SEMA6A: variants seen among roughly 807,000 people sequenced by gnomAD.
The protein encoded by SEMA6A is semaphorin 6A.
SEMA6A carries 25 observed loss-of-function variants against 96.8 expected under a neutral mutation model. The observed-to-expected ratio is 0.26, with a 90% CI of 0.19 to 0.36. The LOEUF (loss-of-function observed/expected upper bound fraction) is 0.36. Ranked by LOEUF, SEMA6A falls within the 10% of genes least tolerant of loss-of-function variation. The pLI is 1.00. For synonymous variants in SEMA6A, 612 were observed against 518.0 expected (o/e 1.18, Z -2.46); for missense variants, 1,363 against 1,323.1 (o/e 1.03, Z -0.47).
At chr5:116,455,339 A>T (rs546644811) in intron 18 of SEMA6A, among the ~76,000 whole-genome samples, 3 of 152,218 alleles carry the variant, frequency 2.0e-5, no homozygotes, top group Non-Finnish European at 4.4e-5. Flanking sequence ...CATGTGTTAG[A>T]ACTGTTACTG....
chr5:116,491,413 T>A (rs1757317434), intron 7 of SEMA6A, among the ~76,000 whole-genome samples: 1 of 96,686 alleles, frequency 1.0e-5, no homozygotes, highest in South Asian at 4.0e-4. Flanking sequence ...CAGTAGGGGA[T>A]TTTAAATTTA....
At chr5:116,550,115 A>G (rs1760343517) in intron 1 of SEMA6A, 1 of 152,204 alleles carries the variant, frequency 6.6e-6, no homozygotes, top group Non-Finnish European at 1.5e-5. Context: ...TTTAAATCAC[A>G]GTCATTGTCA....
At chr5:116,520,079 C>G (rs1252931650) in intron 1 of SEMA6A, among the ~76,000 whole-genome samples, 1 of 152,168 alleles carries the variant, frequency 6.6e-6, no homozygotes, top group Non-Finnish European at 1.5e-5. Flanking sequence ...TTGACCCCAT[C>G]ATGTTCCATT....
intron 1 of SEMA6A, among the ~76,000 whole-genome samples, chr5:116,541,927 T>A (rs1759985288): frequency 6.6e-6 from 1 of 152,204 alleles, no homozygotes; most frequent in African/African-American, 2.4e-5. Flanking sequence ...GAACGTAAGT[T>A]CTTTAAGATG....
chr5:116,500,078 A>G (rs1206049829), intron 3 of SEMA6A, among the ~76,000 whole-genome samples: 1 of 152,162 alleles, frequency 6.6e-6, no homozygotes, highest in Admixed American at 6.5e-5. Flanking sequence ...TTCCAACCCT[A>G]TTACGTTTAG....
intron 10 of SEMA6A, among the ~76,000 whole-genome samples, chr5:116,485,859 C>T (rs1025722055): frequency 1.3e-5 from 2 of 152,164 alleles, no homozygotes; most frequent in Non-Finnish European, 2.9e-5. Context: ...CACAACAATA[C>T]GAGGACTCTG....
chr5:116,486,984 A>G lies in SEMA6A; in HGVS notation c.745-18T>C, dbSNP rs1331602545. 1.3e-6 allele frequency: 2 copies of G among 1,577,204 alleles called. No individual in the cohort carries two copies. Among genetic ancestry groups the G allele is most frequent in the Non-Finnish European group, 1.7e-6 (2 of 1,147,556 alleles). On this transcript the variant is annotated intron_variant, in intron 9 of 18. Coordinates refer to ENST00000343348, the MANE Select transcript of SEMA6A (RefSeq NM_020796.5). ...AAAACTACCTGCAGAGGAAAAACAC[A>G]TAGGGAAAATTAAATGCATTCATTT... is the stretch of plus-strand genomic sequence containing the variant.
chr5:116,475,585 G>T lies in SEMA6A; in HGVS notation c.1668C>A (p.Asp556Glu). Residue 556 changes from aspartate (D) to glutamate (E), a missense_variant, in exon 16 of 19, where the codon GAC becomes GAA. This residue lies in a region of SEMA6A where 883 missense variants were observed against 763.6 expected (regional missense o/e 1.16). Transcript: ENST00000343348. ...GACCATCTGTATTGCCACGCTCTAT[G>T]TCCTGCTCAAAAGTCAGTCTTTTAA... ...SPNSRLTFEQ[D>E]IERGNTDGLG... The T allele has an allele frequency of 1.2e-6, 2 of 1,603,586 alleles. No homozygotes were observed. The highest frequency in any genetic ancestry group is 1.7e-6 in the Non-Finnish European group (2 of 1,174,824).
intron 1 of SEMA6A, among the ~76,000 whole-genome samples, chr5:116,557,417 G>A (rs949003127): frequency 1.3e-5 from 2 of 152,174 alleles, no homozygotes; most frequent in Non-Finnish European, 1.5e-5. Flanking sequence ...TTGCCATGTT[G>A]CCCAGGCTTG....
At chr5:116,548,324 G>A (rs1207911476) in intron 1 of SEMA6A, among the ~76,000 whole-genome samples, 2 of 152,156 alleles carry the variant, frequency 1.3e-5, no homozygotes, top group Non-Finnish European at 2.9e-5. Context: ...GTGCATTTCA[G>A]TGAACATCAC....
intron 17 of SEMA6A, among the ~76,000 whole-genome samples, chr5:116,470,362 T>C (rs1045103920): frequency 6.6e-6 from 1 of 152,336 alleles, no homozygotes; most frequent in South Asian, 2.1e-4. Context: ...ATTTGGAATC[T>C]ATATTTTTGT....
At chr5:116,466,059 TAAAAAAAAAAAA>T (rs35801222) in intron 18 of SEMA6A, among the ~76,000 whole-genome samples, 3 of 93,660 alleles carry the variant, frequency 3.2e-5, no homozygotes, top group Admixed American at 1.2e-4. Context: ...AAAACCAGCT[TAAAAAAAAAAAA>T]AAAAAAAAAA....
intron 17 of SEMA6A, chr5:116,468,613 T>C (rs1218530771): frequency 6.6e-6 from 1 of 152,226 alleles, no homozygotes; most frequent in Non-Finnish European, 1.5e-5. Flanking sequence ...AATTCGTTTG[T>C]AAGCTCTCCC....
chr5:116,460,358 G>A (rs182480447), intron 18 of SEMA6A, among the ~76,000 whole-genome samples: 6 of 151,938 alleles, frequency 3.9e-5, no homozygotes, highest in South Asian at 2.1e-4. Context: ...AATATTTTTC[G>A]TGGAATAAGA....
At chr5:116,474,050 C>T (rs1224776438) in intron 16 of SEMA6A, among the ~76,000 whole-genome samples, 1 of 152,136 alleles carries the variant, frequency 6.6e-6, no homozygotes, top group African/African-American at 2.4e-5. Flanking sequence ...CAGAGGCTTC[C>T]TTAGGTTCTT....
chr5:116,521,879 GA>G (rs1758966300), intron 1 of SEMA6A, among the ~76,000 whole-genome samples: 2 of 151,920 alleles, frequency 1.3e-5, no homozygotes, highest in Non-Finnish European at 2.9e-5. Context: ...TTATACACCA[GA>G]AAAAAAGTAT....
chr5:116,502,178 CTCAA>C, intron 3 of SEMA6A, 28 bp downstream of exon 3: 1 of 1,583,316 alleles, frequency 6.3e-7, no homozygotes, highest in Non-Finnish European at 8.7e-7. Context: ...TTTGGACACT[CTCAA>C]GGCAGACATG....
intron 1 of SEMA6A, among the ~76,000 whole-genome samples, chr5:116,513,876 C>T (rs763109592): frequency 3.3e-5 from 5 of 152,212 alleles, no homozygotes; most frequent in East Asian, 3.9e-4. Flanking sequence ...TAAGAACATG[C>T]GGTATTTGGT....
rs201474433 is a variant in SEMA6A at position 116,447,650 on chromosome 5, G to A, written c.2056C>T (p.Arg686Cys). 22 of 1,614,022 alleles carry A rather than the reference G, an allele frequency of 1.4e-5. No individual in the cohort carries two copies. Among genetic ancestry groups the A allele is most frequent in the Non-Finnish European group, 1.7e-5 (20 of 1,179,896 alleles). The change falls in exon 19 of 19, where the codon CGC becomes TGC. Residue 686 changes from arginine to cysteine, a missense_variant. Arg to Cys is a radical substitution (Grantham distance 180, BLOSUM62 -3). This residue lies in a region of SEMA6A where 883 missense variants were observed against 763.6 expected (regional missense o/e 1.16). Coordinates refer to ENST00000343348, the MANE Select transcript of SEMA6A (RefSeq NM_020796.5). ...HRRKDVAVVQ[R>C]KEKELTHSRR... ...GAGTGGGTGAGCTCCTTCTCCTTGC[G>A]CTGCACCACAGCCACGTCTTTGCGC...
Sources: allele counts gnomAD v4.1 joint callset (sites outside exome capture counted in the v4.1 genomes callset), GRCh38; gene constraint gnomAD v4.1.1; regional missense constraint gnomAD v4.1.1; transcripts MANE v1.5; gene names NCBI Gene and HGNC (gene_info 2026-07-23, HGNC 2026-07-21).